Variants in FOXJ2 observed in about 807,000 individuals in gnomAD.
The protein encoded by FOXJ2 is forkhead box J2, also known as forkhead box protein J2.
In FOXJ2, 18 loss-of-function variants were observed where a neutral mutation model predicts 68.4. That is an observed-to-expected ratio of 0.26 (90% CI 0.18 to 0.39). FOXJ2 has a LOEUF of 0.39. FOXJ2 is among the 10% of genes least tolerant of loss of function. The pLI is 1.00. For synonymous variants in FOXJ2, 274 were observed against 263.2 expected (o/e 1.04, Z -0.40); for missense variants, 670 against 726.5 (o/e 0.92, Z 0.89).
At chr12:8,049,833 T>G in intron 9 of FOXJ2, 1 of 439,950 alleles carries the variant, frequency 2.3e-6, no homozygotes, top group Non-Finnish European at 4.0e-6. Context: ...AGGAGATTTG[T>G]TAGAGAAAGG....
chr12:8,051,425 C>T lies in FOXJ2; in HGVS notation c.1636+805C>T, dbSNP rs182045549. Among the ~76,000 whole-genome samples the T allele has an allele frequency of 1.7e-3, 252 of 152,114 alleles. 2 individuals are homozygous for T. Among genetic ancestry groups the T allele is most frequent in the East Asian group, 9.9e-3 (51 of 5,164 alleles). ...GATTACAGGCGTGATCCACTGGCCC[C>T]GGCTAGATGTACTTTAAAATTAGCA... On this transcript the variant is annotated intron_variant, in intron 10 of 10. Coordinates refer to ENST00000162391, the MANE Select transcript of FOXJ2 (RefSeq NM_018416.3).
chr12:8,046,003 G>T (rs1409309024), intron 6 of FOXJ2, among the ~76,000 whole-genome samples: 1 of 152,172 alleles, frequency 6.6e-6, no homozygotes, highest in East Asian at 1.9e-4. Context: ...ACTACTCAGA[G>T]GAAATATTTC....
chr12:8,033,350 C>G lies in FOXJ2; in HGVS notation c.-498C>G, dbSNP rs1417747684. On this transcript the variant is annotated 5_prime_UTR_variant, in exon 1 of 11. Transcript: ENST00000162391. ...GGAGTCCTTACGTTCAGAAGCCACT[C>G]CAGGGAAAGAAGAGGAATCGGCTTT... 6.5e-6 allele frequency: 1 copy of G among 154,124 alleles called. No homozygotes were observed. The highest frequency in any genetic ancestry group is 2.4e-5 in the African/African-American group (1 of 41,516). The allele number at this position is 154,124 out of a possible 1,614,324, so 9.5% of individuals were successfully genotyped here.
In FOXJ2 at chr12:8,049,342, G is replaced by C; in HGVS notation, c.1328-20G>C. 6.3e-7 allele frequency: 1 copy of C among 1,592,286 alleles called. No homozygotes were observed. Among genetic ancestry groups the C allele is most frequent in the Non-Finnish European group, 8.6e-7 (1 of 1,164,596 alleles). On this transcript the variant is annotated intron_variant, in intron 8 of 10. Transcript: ENST00000162391. ...TTCCTACCTCTGCAAGGTTTGCATT[G>C]CTTGCTTCCCTCTTTGTAGAACTGA...
At chr12:8,036,534 G>C (rs1289634669) in intron 1 of FOXJ2, among the ~76,000 whole-genome samples, 1 of 150,548 alleles carries the variant, frequency 6.6e-6, no homozygotes, top group Non-Finnish European at 1.5e-5. Context: ...CCTGACTCAG[G>C]TTCTGCCCAA....
intron 10 of FOXJ2, among the ~76,000 whole-genome samples, chr12:8,051,055 G>C (rs889380445): frequency 9.7e-4 from 47 of 48,490 alleles, no homozygotes; most frequent in Middle Eastern, 0.033. Context: ...CCCTTCCCTT[G>C]CCCTTCCTTT....
Position 8,047,961 on chromosome 12 carries a change from ACAG to A in FOXJ2, c.917_919del (p.Gln306del), listed in dbSNP as rs372118289. 7.0e-4 allele frequency: 1,091 copies of A among 1,548,296 alleles called. No individual in the cohort carries two copies. Among genetic ancestry groups the A allele is most frequent in the Admixed American group, 1.7e-3 (97 of 56,292 alleles). ...AGCAGCAGCAGCCACCGCCACCTCA[ACAG>A]CAGCAGCAGCAGCAGCAGCCGCCAC... On this transcript the variant is annotated inframe_deletion, in exon 7 of 11. Coordinates refer to ENST00000162391, the MANE Select transcript of FOXJ2 (RefSeq NM_018416.3).
intron 3 of FOXJ2, among the ~76,000 whole-genome samples, 168 bp from the exon 4 acceptor site, chr12:8,043,533 A>G (rs1332814164): frequency 1.3e-5 from 2 of 152,150 alleles, no homozygotes; most frequent in African/African-American, 4.8e-5. Flanking sequence ...GCTAGATGCC[A>G]TTGTTCTGCC....
intron 6 of FOXJ2, among the ~76,000 whole-genome samples, chr12:8,047,071 A>G (rs1947047162): frequency 6.6e-6 from 1 of 152,046 alleles, no homozygotes; most frequent in Non-Finnish European, 1.5e-5. Context: ...TGTCTGCTTG[A>G]GAAATAACTC....
chr12:8,037,543 T>C (rs1037841340), intron 1 of FOXJ2, among the ~76,000 whole-genome samples: 1 of 152,206 alleles, frequency 6.6e-6, no homozygotes, highest in African/African-American at 2.4e-5. Context: ...GTAAGCCCTC[T>C]AAACACTTTA....
rs774855324 is a variant in FOXJ2, at chr12:8,040,214, T to G, written c.333+49T>G. The G allele has an allele frequency of 6.4e-7, 1 of 1,562,680 alleles. No individual in the cohort carries two copies. The highest frequency in any genetic ancestry group is 1.8e-5 in the Admixed American group (1 of 56,310). On this transcript the variant is annotated intron_variant, in intron 2 of 10. Transcript: ENST00000162391. The surrounding 1 kb of genome is among the most constrained non-coding windows in gnomAD (Gnocchi z 4.0). ...GCTTAGGTTTAGGCTTCAACAGCCTTTTTAGAGAAAAAGGTTTTGTTTCTT... is the reference window on the plus strand; with the variant it reads ...GCTTAGGTTTAGGCTTCAACAGCCTGTTTAGAGAAAAAGGTTTTGTTTCTT...
intron 10 of FOXJ2, among the ~76,000 whole-genome samples, chr12:8,051,092 TCCCTTC>T (rs1199745155): frequency 9.5e-6 from 1 of 105,200 alleles, no homozygotes. Context: ...CCCTTTCCCT[TCCCTTC>T]CCCTTCCCCT....
At chr12:8,048,391 C>T in intron 7 of FOXJ2, 102 bp downstream of exon 7, 1 of 1,483,462 alleles carries the variant, frequency 6.7e-7, no homozygotes, top group Non-Finnish European at 8.9e-7. Context: ...AATGATGGGT[C>T]TTTTAGGCTT....
Position 8,040,039 on chromosome 12 carries a change from C to T in FOXJ2, c.207C>T (p.Tyr69=), listed in dbSNP as rs1946944574. 6.2e-7 allele frequency: 1 copy of T among 1,614,038 alleles called. No homozygotes were observed. Among genetic ancestry groups the T allele is most frequent in the African/African-American group, 1.3e-5 (1 of 74,906 alleles). ...TGCACCAGGACGGCAAGCCACGATACAGCTATGCCACTCTCATCACCTATG... is the reference window on the plus strand; with the variant it reads ...TGCACCAGGACGGCAAGCCACGATATAGCTATGCCACTCTCATCACCTATG... ...AAVHQDGKPR[Y]SYATLITYAI... Residue 69 remains tyrosine, a synonymous_variant, in exon 2 of 11, where the codon TAC becomes TAT. Transcript: ENST00000162391. This position sits in a 1 kb window ranked among gnomAD's most constrained non-coding sequence, Gnocchi z 4.0.
In FOXJ2 at chr12:8,054,043, A is replaced by G. The variant is rs1231309191; in HGVS notation, c.*1193A>G. On this transcript the variant is annotated 3_prime_UTR_variant, in exon 11 of 11. Coordinates refer to ENST00000162391, the MANE Select transcript of FOXJ2 (RefSeq NM_018416.3). ...ATGGGGAGAGGAAAAAAGAGCTGGCAAAGAAATGGATAGGGAATATTTTAG... is the reference window on the plus strand; with the variant it reads ...ATGGGGAGAGGAAAAAAGAGCTGGCGAAGAAATGGATAGGGAATATTTTAG... The G allele has an allele frequency of 6.6e-6, 1 of 152,230 alleles. No individual in the cohort carries two copies. Among genetic ancestry groups the G allele is most frequent in the East Asian group, 1.9e-4 (1 of 5,196 alleles). The allele number at this position is 152,230 out of a possible 1,614,324, so 9.4% of individuals were successfully genotyped here.
intron 9 of FOXJ2, chr12:8,049,878 C>T (rs765927542): frequency 7.5e-5 from 31 of 411,480 alleles, no homozygotes; most frequent in Middle Eastern, 6.1e-4. Flanking sequence ...TAATCCCTAC[C>T]GCCTGGGTGA....
At position 8,054,453 on chromosome 12, in the gene FOXJ2, A is replaced by T. The variant is rs1208753014; in HGVS notation, c.*1603A>T. On this transcript the variant is annotated 3_prime_UTR_variant, in exon 11 of 11. Transcript: ENST00000162391. ...TTCATGCATATTATTTTATTTACCC[A>T]TAATTTCCAAGAGGTTTGGCGTTCC... 3 of 152,496 alleles carry T rather than the reference A, an allele frequency of 2.0e-5. No individual in the cohort carries two copies. In the East Asian group the frequency reaches 5.8e-4, roughly 29 times the overall value. 9.4% of individuals were successfully genotyped at this position (152,496 alleles called of 1,614,324 possible).
Position 8,050,343 on chromosome 12 carries a change from C to A in FOXJ2, c.1538-179C>A. The A allele has an allele frequency of 6.6e-6, 9 of 1,368,126 alleles. No individual in the cohort carries two copies. The South Asian group carries it at 1.7e-4, about 26-fold the overall frequency. 84.7% of individuals were successfully genotyped at this position (1,368,126 alleles called of 1,614,324 possible). A position where few individuals can be genotyped will look rare whatever the true frequency, so the allele number is the denominator to read the frequency against. On this transcript the variant is annotated intron_variant, in intron 9 of 10. Transcript: ENST00000162391. ...CAATTGTACTATCCATTTCTTTTTA[C>A]CCTCAGTGGTGAGGACTGACAGCTT...
chr12:8,050,660 G>C, intron 10 of FOXJ2, 40 bp downstream of exon 10: 2 of 1,609,392 alleles, frequency 1.2e-6, no homozygotes, highest in Non-Finnish European at 1.7e-6. Flanking sequence ...GTTGTACTCT[G>C]ATGAGTTGCT....
Sources: allele counts gnomAD v4.1 joint callset (sites outside exome capture counted in the v4.1 genomes callset), GRCh38; gene constraint gnomAD v4.1.1; non-coding constraint Gnocchi (gnomAD v3.1); transcripts MANE v1.5; gene names NCBI Gene and HGNC (gene_info 2026-07-23, HGNC 2026-07-21).